The following HORMAD2 variants were observed in gnomAD, a reference collection of about 807,000 sequenced individuals.
HORMAD2 encodes HORMA domain-containing protein 2.
Under a neutral mutation model 38.8 loss-of-function variants are expected in HORMAD2, and 45 were observed. That is an observed-to-expected ratio of 1.16 (90% CI 0.91 to 1.49). The LOEUF is 1.49. Ranked by LOEUF, HORMAD2 falls within the 40% of genes most tolerant of loss-of-function variation. The pLI, the probability that HORMAD2 is intolerant of heterozygous loss-of-function variation, is 0.00. For missense variants in HORMAD2, 338 were observed against 367.0 expected, an observed-to-expected ratio of 0.92 and a Z score of 0.65; for synonymous variants, 126 against 122.8, an observed-to-expected ratio of 1.03 and a Z score of -0.17.
chr22:30,144,828 C>T (rs1376091899), intron 10 of HORMAD2, among the ~76,000 whole-genome samples: 1 of 151,996 alleles, frequency 6.6e-6, no homozygotes, highest in Admixed American at 6.5e-5. Context: ...ACCATGAGCC[C>T]CCACCTCATG....
At chr22:30,186,997 C>T in the HORMAD2 span, among the ~76,000 whole-genome samples, 72 of 152,270 alleles carry the variant, frequency 4.7e-4, no homozygotes, top group African/African-American at 1.6e-3. Flanking sequence ...CACCAAATGT[C>T]AAGCATCCAC....
chr22:30,134,701 GA>G (rs10716115), intron 10 of HORMAD2, among the ~76,000 whole-genome samples: 22,116 of 149,492 alleles, frequency 0.15, 3,414 homozygotes, highest in African/African-American at 0.38. Flanking sequence ...ACCAAAAAAA[GA>G]AAAAAAAAGT....
chr22:30,203,362 T>C, the HORMAD2 span, among the ~76,000 whole-genome samples: 2 of 134,958 alleles, frequency 1.5e-5, no homozygotes, highest in African/African-American at 5.7e-5. Flanking sequence ...ACCATTGCAC[T>C]CCAGCCTGGA....
At position 30,084,759 on chromosome 22, in the gene HORMAD2, A is replaced by C. The variant is rs548299150; in HGVS notation, c.-38+4268A>C. On this transcript the variant is annotated intron_variant, in intron 1 of 10. Transcript: ENST00000336726. ...CCCACCGTGACCTCCCAAAATACTG[A>C]GATTACAGGTGTGAGCCACCATGCC... Among the ~76,000 whole-genome samples, 18 of 152,026 alleles carry C rather than the reference A, an allele frequency of 1.2e-4. 1 individual carries two copies. The South Asian group carries it at 2.9e-3, about 25-fold the overall frequency.
chr22:30,186,798 G>A, the HORMAD2 span, among the ~76,000 whole-genome samples: 1 of 152,082 alleles, frequency 6.6e-6, no homozygotes, highest in East Asian at 1.9e-4. Flanking sequence ...CAAAGGTCAA[G>A]GATCCTTTCA....
chr22:30,122,181 A>C lies in HORMAD2; in HGVS notation c.786A>C (p.Leu262=), dbSNP rs761113672. The C allele has an allele frequency of 6.2e-7, 1 of 1,613,164 alleles. No individual in the cohort carries two copies. Among genetic ancestry groups the C allele is most frequent in the Non-Finnish European group, 8.5e-7 (1 of 1,179,532 alleles). ...CTACTGAGATCGCCCATCAGGGTCTAGACTGTGATGAGGAAGAAGAATGCA... is the reference window on the plus strand; with the variant it reads ...CTACTGAGATCGCCCATCAGGGTCTCGACTGTGATGAGGAAGAAGAATGCA... ...NSTTEIAHQG[L]DCDEEEECND... is the part of the protein sequence containing the mutation. Residue 262 remains leucine, a synonymous_variant, in exon 10 of 11, where the codon CTA becomes CTC. Coordinates refer to ENST00000336726, the MANE Select transcript of HORMAD2 (RefSeq NM_152510.4).
intron 10 of HORMAD2, among the ~76,000 whole-genome samples, chr22:30,140,493 T>C (rs1269980639): frequency 6.6e-6 from 1 of 152,244 alleles, no homozygotes; most frequent in Non-Finnish European, 1.5e-5. Context: ...ATATTTTCAA[T>C]TTCTTCTTGA....
chr22:30,097,624 A>G (rs915954461), intron 2 of HORMAD2, among the ~76,000 whole-genome samples: 1 of 152,190 alleles, frequency 6.6e-6, no homozygotes, highest in Non-Finnish European at 1.5e-5. Context: ...AGCAGAGTGC[A>G]TGGGAGAGAA....
At position 30,104,433 on chromosome 22, in the gene HORMAD2, G is replaced by C. The variant is rs962828758; in HGVS notation, c.290G>C (p.Arg97Thr). The stretch of plus-strand genomic sequence containing the variant: ...GGTTGTTTTGATGCTTTGGAAAAGA[G>C]ATACGTAAGAATGTTTTTACACTTA... ...IQGCFDALEK[R>T]YLRMAVLTLY... Residue 97 changes from arginine to threonine, a missense_variant, in exon 5 of 11, where the codon AGA becomes ACA. Arg to Thr is a moderately conservative substitution (Grantham distance 71, BLOSUM62 -1). Coordinates refer to ENST00000336726, the MANE Select transcript of HORMAD2 (RefSeq NM_152510.4). The C allele has an allele frequency of 2.4e-5, 39 of 1,607,938 alleles. No homozygotes were observed. The highest frequency in any genetic ancestry group is 3.2e-5 in the Non-Finnish European group (38 of 1,175,974).
At chr22:30,088,123 A>G (rs1444344390) in intron 1 of HORMAD2, among the ~76,000 whole-genome samples, 1 of 129,180 alleles carries the variant, frequency 7.7e-6, no homozygotes, top group African/African-American at 2.9e-5. Context: ...ATATACACAC[A>G]CGTACACATG....
chr22:30,181,252 T>C (rs559046845), downstream of HORMAD2, among the ~76,000 whole-genome samples: 287 of 151,964 alleles, frequency 1.9e-3, no homozygotes, highest in Non-Finnish European at 3.0e-3. Context: ...GGGCTCAAGC[T>C]ATCTGCCCAC....
chr22:30,198,623 CA>C, the HORMAD2 span, among the ~76,000 whole-genome samples: 1 of 152,070 alleles, frequency 6.6e-6, no homozygotes, highest in Non-Finnish European at 1.5e-5. Flanking sequence ...AAAATTGAGC[CA>C]CATTTGCCAG....
chr22:30,094,144 A>G (rs1338829907), intron 2 of HORMAD2, 141 bp downstream of exon 2: 5 of 574,546 alleles, frequency 8.7e-6, no homozygotes, highest in Admixed American at 7.0e-5. Context: ...GAGTATGTGT[A>G]CATTTTAACT....
At chr22:30,083,609 T>A (rs2068521928) in intron 1 of HORMAD2, among the ~76,000 whole-genome samples, 1 of 152,110 alleles carries the variant, frequency 6.6e-6, no homozygotes, top group African/African-American at 2.4e-5. Flanking sequence ...AATTAGAGGC[T>A]GAAAGGAGTC....
At chr22:30,194,027 G>A in the HORMAD2 span, among the ~76,000 whole-genome samples, 7,009 of 152,180 alleles carry the variant, frequency 0.046, 535 homozygotes, top group African/African-American at 0.16. Flanking sequence ...AGAGAATACA[G>A]CCCCTTGCCT....
At chr22:30,178,876 A>C (rs1330051157), downstream of HORMAD2, among the ~76,000 whole-genome samples, 2 of 152,188 alleles carry the variant, frequency 1.3e-5, no homozygotes, top group African/African-American at 4.8e-5. Flanking sequence ...GTCTAGCTGG[A>C]AAGACATGGG....
chr22:30,162,236 TG>T (rs900160971), intron 10 of HORMAD2, among the ~76,000 whole-genome samples: 8 of 151,852 alleles, frequency 5.3e-5, no homozygotes, highest in Admixed American at 3.9e-4. Context: ...TTACCTGAGA[TG>T]GGGAGGTCAA....
chr22:30,125,039 C>G (rs1662229610), intron 10 of HORMAD2, among the ~76,000 whole-genome samples: 1 of 151,802 alleles, frequency 6.6e-6, no homozygotes, highest in African/African-American at 2.4e-5. Flanking sequence ...CTTTGGCCAT[C>G]CTATTTTGCT....
intron 10 of HORMAD2, among the ~76,000 whole-genome samples, chr22:30,167,253 C>T (rs1330235882): frequency 6.6e-6 from 1 of 152,192 alleles, no homozygotes. Flanking sequence ...CATTTAGGGT[C>T]CACCTGCATA....
Sources: gnomAD v4.1 joint callset for allele counts (sites outside exome capture counted in the v4.1 genomes callset) on GRCh38, gnomAD v4.1.1 for gene constraint, MANE v1.5 for transcripts, NCBI Gene and HGNC (gene_info 2026-07-23, HGNC 2026-07-21) for gene names.